The following MAPT variants were observed in gnomAD, a reference collection of about 807,000 sequenced individuals.
MAPT encodes microtubule-associated protein tau.
Under a neutral mutation model 67.9 loss-of-function variants are expected in MAPT, and 34 were observed. The ratio of observed to expected loss-of-function variants is 0.50; its 90% CI spans 0.38 to 0.67. The LOEUF (loss-of-function observed/expected upper bound fraction) is 0.67. MAPT is among the 30% of genes least tolerant of loss of function. The pLI is 0.00. For synonymous variants in MAPT, 456 were observed against 464.5 expected (o/e 0.98, Z 0.23); for missense variants, 881 against 1,115.2 (o/e 0.79, Z 2.99).
chr17:45,927,698 G>T (rs1568182347), intron 1 of MAPT, among the ~76,000 whole-genome samples: 1 of 151,984 alleles, frequency 6.6e-6, no homozygotes, highest in African/African-American at 2.4e-5. Flanking sequence ...TTCCCAGCCA[G>T]ATTTTTTTAA....
chr17:45,926,991 A>G (rs886516829), intron 1 of MAPT, among the ~76,000 whole-genome samples: 1 of 151,614 alleles, frequency 6.6e-6, no homozygotes, highest in African/African-American at 2.4e-5. Flanking sequence ...ATATATACAC[A>G]CACATACACA....
At position 45,897,807 on chromosome 17, in the gene MAPT, C is replaced by T. The variant is rs980976758; in HGVS notation, c.-18+3121C>T. ...GCTCACCCCTCTGCGTGCTCAGGCT[C>T]CAGGCTCAGCAGGACCAATTTGAGT... On this transcript the variant is annotated intron_variant, in intron 1 of 12. Transcript: ENST00000262410. This position sits in a 1 kb window ranked among gnomAD's most constrained non-coding sequence, Gnocchi z 5.0. The T allele has an allele frequency of 1.3e-5, 2 of 152,570 alleles. No homozygotes were observed. Among genetic ancestry groups the T allele is most frequent in the Admixed American group, 6.5e-5 (1 of 15,284 alleles). The allele number at this position is 152,570 out of a possible 1,614,324, so 9.5% of individuals were successfully genotyped here.
At chr17:45,919,064 TA>T (rs80344216) in intron 1 of MAPT, among the ~76,000 whole-genome samples, 23,046 of 104,000 alleles carry the variant, frequency 0.22, 2,087 homozygotes, top group Non-Finnish European at 0.29. Context: ...TCTGTCTCAA[TA>T]AAAAAAAAAA....
At chr17:45,947,902 A>G (rs2145057126) in intron 1 of MAPT, among the ~76,000 whole-genome samples, 1 of 152,356 alleles carries the variant, frequency 6.6e-6, no homozygotes, top group African/African-American at 2.4e-5. Flanking sequence ...AAATCAAAAT[A>G]GCATGGAATA....
chr17:45,919,205 C>A (rs988394669), intron 1 of MAPT, among the ~76,000 whole-genome samples: 3 of 152,170 alleles, frequency 2.0e-5, no homozygotes, highest in Non-Finnish European at 2.9e-5. Context: ...ACCGCTCAGC[C>A]CTGCCTGCTC....
At position 45,941,717 on chromosome 17, in the gene MAPT, T is replaced by TCCTGCCTTTCTTCCTTCCTG. The variant is rs1195804704; in HGVS notation, c.-17-20601_-17-20600insGCCTTTCTTCCTTCCTGCCT. On this transcript the variant is annotated intron_variant, in intron 1 of 12. Transcript: ENST00000262410. ...TTCCTTCCTGCCTGCCTTCCTTCCT[T>TCCTGCCTTTCTTCCTTCCTG]CCTTCCTTCCTTCCTTCCTTCCTTC... Among the ~76,000 whole-genome samples the TCCTGCCTTTCTTCCTTCCTG allele has an allele frequency of 1.4e-4, 12 of 88,426 alleles. No individual in the cohort carries two copies. The Middle Eastern group carries it at 0.027, about 198-fold the overall frequency. 58.0% of individuals were successfully genotyped at this position (88,426 alleles called of 152,430 possible).
intron 3 of MAPT, 126 bp downstream of exon 3, chr17:45,972,071 G>T: frequency 1.3e-6 from 1 of 754,364 alleles, no homozygotes. Context: ...TCGGTGCTTT[G>T]CAGGACAGCG....
chr17:45,989,583 A>G (rs1225936728), intron 6 of MAPT, among the ~76,000 whole-genome samples: 1 of 152,160 alleles, frequency 6.6e-6, no homozygotes, highest in African/African-American at 2.4e-5. Flanking sequence ...CCCAGGAGGC[A>G]GAGCTTGCAG....
intron 5 of MAPT, 25 bp from the exon 6 acceptor site, chr17:45,987,015 G>C (rs1249480366): frequency 3.1e-6 from 5 of 1,606,874 alleles, no homozygotes. Context: ...AGTGTGACAA[G>C]CATTCTTATT....
At chr17:45,965,112 C>A (rs763392267) in intron 2 of MAPT, among the ~76,000 whole-genome samples, 2 of 152,044 alleles carry the variant, frequency 1.3e-5, no homozygotes, top group East Asian at 3.9e-4. Context: ...CCTATCCCAG[C>A]GCATCTGTTC....
chr17:45,970,113 C>A (rs2071506975), intron 2 of MAPT, among the ~76,000 whole-genome samples: 1 of 148,302 alleles, frequency 6.7e-6, no homozygotes, highest in African/African-American at 2.4e-5. Context: ...TCCATCCATC[C>A]ATGTAACCAT....
chr17:45,959,150 G>T (rs1348535494), intron 1 of MAPT, among the ~76,000 whole-genome samples: 1 of 152,190 alleles, frequency 6.6e-6, no homozygotes, highest in East Asian at 1.9e-4. Flanking sequence ...GCACTTTTAG[G>T]TTCACAGTGA....
chr17:45,999,197 T>G (rs1313263718), intron 9 of MAPT: 1 of 1,519,948 alleles, frequency 6.6e-7, no homozygotes. Flanking sequence ...CAGGAAGTCT[T>G]CCTGGATTCC....
chr17:46,023,907 T>C (rs1203923029), intron 12 of MAPT, 49 bp from the exon 13 acceptor site: 14 of 1,532,490 alleles, frequency 9.1e-6, no homozygotes, highest in Non-Finnish European at 1.2e-5. Flanking sequence ...GCAGGGCTGG[T>C]CTTTCTCTGG....
In MAPT at chr17:45,906,514, A is replaced by T. The variant is rs1034983766; in HGVS notation, c.-18+11828A>T. ...CAGGCGCGTTAATTGAACTGCTTGCACCTGGCATTTGAATTGAGCCAGAGC... is the reference window on the plus strand; with the variant it reads ...CAGGCGCGTTAATTGAACTGCTTGCTCCTGGCATTTGAATTGAGCCAGAGC... On this transcript the variant is annotated intron_variant, in intron 1 of 12. Coordinates refer to ENST00000262410, the MANE Select transcript of MAPT (RefSeq NM_001377265.1). This position sits in a 1 kb window ranked among gnomAD's most constrained non-coding sequence, Gnocchi z 4.3. Among the ~76,000 whole-genome samples, 2 of 152,094 alleles carry T rather than the reference A, an allele frequency of 1.3e-5. No homozygotes were observed. The highest frequency in any genetic ancestry group is 4.8e-5 in the African/African-American group (2 of 41,402).
At chr17:46,005,515 C>T (rs2075351294) in intron 9 of MAPT, among the ~76,000 whole-genome samples, 2 of 152,148 alleles carry the variant, frequency 1.3e-5, no homozygotes, top group African/African-American at 4.8e-5. Flanking sequence ...AGGCTGAGGC[C>T]AGAGGACCAC....
At position 45,995,555 on chromosome 17, in the gene MAPT, A is replaced by G. The variant is rs1363891810; in HGVS notation, c.1733-844A>G. On this transcript the variant is annotated intron_variant, in intron 8 of 12. Transcript: ENST00000262410. This position sits in a 1 kb window ranked among gnomAD's most constrained non-coding sequence, Gnocchi z 4.3. ...GGGGGCCTGGGAAGTGCAGTAACAG[A>G]AGCAAGTTTGAGGGTAAAGGACACC... Among the ~76,000 whole-genome samples the G allele has an allele frequency of 6.6e-6, 1 of 152,140 alleles. No homozygotes were observed. Among genetic ancestry groups the G allele is most frequent in the African/African-American group, 2.4e-5 (1 of 41,428 alleles).
intron 1 of MAPT, among the ~76,000 whole-genome samples, chr17:45,913,123 A>C (rs557225925): frequency 2.6e-5 from 4 of 152,234 alleles, no homozygotes; most frequent in Non-Finnish European, 5.9e-5. Context: ...AGACTGGGGA[A>C]TTTACAAAAG....
chr17:45,986,054 C>T (rs1211352637), intron 5 of MAPT, among the ~76,000 whole-genome samples: 5 of 152,302 alleles, frequency 3.3e-5, no homozygotes, highest in East Asian at 1.9e-4. Context: ...GGTGAGTTAG[C>T]GCTGATGCTG....
Sources: allele counts gnomAD v4.1 joint callset (sites outside exome capture counted in the v4.1 genomes callset), GRCh38; gene constraint gnomAD v4.1.1; non-coding constraint Gnocchi (gnomAD v3.1); transcripts MANE v1.5; gene names NCBI Gene and HGNC (gene_info 2026-07-23, HGNC 2026-07-21).